Variants in PCDHGB1 observed in about 807,000 individuals in gnomAD.
PCDHGB1 encodes protocadherin gamma subfamily B, 1.
A neutral mutation model predicts 56.6 loss-of-function variants in PCDHGB1; 34 were observed. The observed-to-expected ratio is 0.60, with a 90% CI of 0.46 to 0.80. PCDHGB1 has a LOEUF of 0.80. Among genes scored for constraint, PCDHGB1 ranks in the 30% least tolerant of loss-of-function variants. PCDHGB1 has a pLI of 0.00. For missense variants in PCDHGB1, 1,278 were observed against 1,204.6 expected (o/e 1.06, Z -0.90); for synonymous variants, 561 against 505.9 (o/e 1.11, Z -1.46).
At chr5:141,382,914 G>A in intron 1 of PCDHGB1, 1 of 1,552,980 alleles carries the variant, frequency 6.4e-7, no homozygotes, top group Non-Finnish European at 8.7e-7. Flanking sequence ...CGGCTCAGCC[G>A]AGGGGCGGGG....
At position 141,432,987 on chromosome 5, in the gene PCDHGB1, T is replaced by C. The variant is rs1259121931; in HGVS notation, c.2410-61820T>C. ...GCGCCGGCGTCGCACTTTGTGGGCGTGGACGGGGTGCAGGCTTTCCTGCAG... is the reference window on the plus strand; with the variant it reads ...GCGCCGGCGTCGCACTTTGTGGGCGCGGACGGGGTGCAGGCTTTCCTGCAG... On this transcript the variant is annotated intron_variant, in intron 1 of 3. Coordinates refer to ENST00000523390, the MANE Select transcript of PCDHGB1 (RefSeq NM_018922.3). The surrounding 1 kb of genome is among the most constrained non-coding windows in gnomAD (Gnocchi z 6.0). The C allele has an allele frequency of 3.7e-6, 6 of 1,614,174 alleles. No individual in the cohort carries two copies. Among genetic ancestry groups the C allele is most frequent in the Non-Finnish European group, 5.1e-6 (6 of 1,180,032 alleles).
intron 1 of PCDHGB1, chr5:141,400,296 C>T (rs2093998279): frequency 6.2e-7 from 1 of 1,614,076 alleles, no homozygotes. Context: ...GGAGCTGCTT[C>T]CAACCTGGTC....
intron 1 of PCDHGB1, among the ~76,000 whole-genome samples, chr5:141,353,575 G>A (rs2149775873): frequency 6.6e-6 from 1 of 152,154 alleles, no homozygotes; most frequent in Middle Eastern, 3.4e-3. Flanking sequence ...TATAATTTCA[G>A]TCAATGATAT....
In PCDHGB1 at chr5:141,487,107, T is replaced by C. The variant is rs1193091014; in HGVS notation, c.2410-7700T>C. 6.2e-7 allele frequency: 1 copy of C among 1,613,926 alleles called. No individual in the cohort carries two copies. The highest frequency in any genetic ancestry group is 8.5e-7 in the Non-Finnish European group (1 of 1,179,782). On this transcript the variant is annotated intron_variant, in intron 1 of 3. Transcript: ENST00000523390. This position sits in a 1 kb window ranked among gnomAD's most constrained non-coding sequence, Gnocchi z 5.0. ...GACCTCCCACCACAGAAGCTGGTCA[T>C]TGTGGTAAAGGATAGTGGTAGTCCA...
At chr5:141,404,947 T>G (rs561446437) in intron 1 of PCDHGB1, 9 of 1,613,826 alleles carry the variant, frequency 5.6e-6, no homozygotes, top group Non-Finnish European at 7.6e-6. Flanking sequence ...TAGCCATAGC[T>G]GACAGCATCC....
intron 1 of PCDHGB1, chr5:141,410,428 C>A (rs376561050): frequency 5.0e-6 from 8 of 1,613,906 alleles, no homozygotes; most frequent in African/African-American, 1.3e-5. Flanking sequence ...TTCCCCCCAA[C>A]TACAGTGAGG....
chr5:141,498,713 C>T (rs1216279302), intron 2 of PCDHGB1, among the ~76,000 whole-genome samples: 1 of 152,148 alleles, frequency 6.6e-6, no homozygotes, highest in East Asian at 1.9e-4. Flanking sequence ...GGGTGGATCA[C>T]CTGAGGTCAG....
At chr5:141,365,669 G>C (rs1304025932) in intron 1 of PCDHGB1, 1 of 1,613,344 alleles carries the variant, frequency 6.2e-7, no homozygotes, top group Admixed American at 1.7e-5. Flanking sequence ...AGACGTTAAT[G>C]ACAACCCACC....
chr5:141,487,176 A>T lies in PCDHGB1; in HGVS notation c.2410-7631A>T. ...ACTCTCTTAGTGTCCTTAGAGGAAG[A>T]CACTCATCCAGTTGTCCCAGATCTT... On this transcript the variant is annotated intron_variant, in intron 1 of 3. Transcript: ENST00000523390. This position sits in a 1 kb window ranked among gnomAD's most constrained non-coding sequence, Gnocchi z 5.0. 1 of 1,613,774 alleles carries T rather than the reference A, an allele frequency of 6.2e-7. No individual in the cohort carries two copies. Among genetic ancestry groups the T allele is most frequent in the South Asian group, 1.1e-5 (1 of 91,082 alleles).
chr5:141,417,902 C>G (rs2096184021), intron 1 of PCDHGB1: 1 of 1,588,280 alleles, frequency 6.3e-7, no homozygotes, highest in Non-Finnish European at 8.6e-7. Context: ...CGGCCCGCGG[C>G]AGGTACTATT....
chr5:141,410,544 G>T, intron 1 of PCDHGB1: 1 of 1,613,640 alleles, frequency 6.2e-7, no homozygotes, highest in Non-Finnish European at 8.5e-7. Flanking sequence ...GACATGGTTT[G>T]CAGTGTTTCT....
chr5:141,420,252 C>G (rs745697672), intron 1 of PCDHGB1: 2 of 1,576,604 alleles, frequency 1.3e-6, no homozygotes, highest in Non-Finnish European at 1.7e-6. Flanking sequence ...AGCGTTGAAG[C>G]AGATAAGAAG....
chr5:141,394,228 T>C lies in PCDHGB1; in HGVS notation c.2409+41559T>C, dbSNP rs1236057008. On this transcript the variant is annotated intron_variant, in intron 1 of 3. Transcript: ENST00000523390. ...AACAACCTGAGAGGAGCCTCCATCT[T>C]TTCCTTGACTGCACACGACCCCGAC... is the stretch of plus-strand genomic sequence containing the variant. 3.7e-6 allele frequency: 6 copies of C among 1,613,886 alleles called. No individual in the cohort carries two copies. The South Asian group carries it at 4.4e-5, about 12-fold the overall frequency.
chr5:141,496,554 G>T (rs2099769470), intron 2 of PCDHGB1, among the ~76,000 whole-genome samples: 1 of 152,160 alleles, frequency 6.6e-6, no homozygotes, highest in Non-Finnish European at 1.5e-5. Context: ...TTCTGGGCAT[G>T]CACAGTCCTG....
At chr5:141,372,403 A>G in intron 1 of PCDHGB1, 1 of 1,614,028 alleles carries the variant, frequency 6.2e-7, no homozygotes, top group Non-Finnish European at 8.5e-7. Flanking sequence ...AGCTTGCAAG[A>G]GATACAACCT....
intron 1 of PCDHGB1, among the ~76,000 whole-genome samples, chr5:141,406,024 G>A (rs2094747494): frequency 6.6e-6 from 1 of 151,462 alleles, no homozygotes; most frequent in Admixed American, 6.6e-5. Flanking sequence ...TTTTTGGGTA[G>A]GGTTGCTTCA....
chr5:141,490,200 A>G lies in PCDHGB1; in HGVS notation c.2410-4607A>G. 6.2e-6 allele frequency: 10 copies of G among 1,614,198 alleles called. No homozygotes were observed. The highest frequency in any genetic ancestry group is 8.5e-6 in the Non-Finnish European group (10 of 1,180,032). ...AGTCACGTTTCTATGAAATTCATGC[A>G]AGAGCCCGTGACCAGGGACAGCCTG... On this transcript the variant is annotated intron_variant, in intron 1 of 3. Coordinates refer to ENST00000523390, the MANE Select transcript of PCDHGB1 (RefSeq NM_018922.3). The surrounding 1 kb of genome is among the most constrained non-coding windows in gnomAD (Gnocchi z 5.4).
chr5:141,458,540 TTTTG>T (rs754668779), intron 1 of PCDHGB1, among the ~76,000 whole-genome samples: 43 of 150,468 alleles, frequency 2.9e-4, no homozygotes, highest in East Asian at 1.7e-3. Context: ...ATCAACTTTA[TTTTG>T]TTTGTTTGTT....
intron 1 of PCDHGB1, among the ~76,000 whole-genome samples, chr5:141,456,818 G>A (rs1214373156): frequency 1.3e-5 from 2 of 151,890 alleles, no homozygotes; most frequent in Admixed American, 6.6e-5. Context: ...CAAAAAATTA[G>A]CCATCGTGGT....
Sources: allele counts gnomAD v4.1 joint callset (sites outside exome capture counted in the v4.1 genomes callset), GRCh38; gene constraint gnomAD v4.1.1; non-coding constraint Gnocchi (gnomAD v3.1); transcripts MANE v1.5; gene names NCBI Gene and HGNC (gene_info 2026-07-23, HGNC 2026-07-21).